The following GALNT13 variants were observed in gnomAD, a reference collection of about 807,000 sequenced individuals.
GALNT13 encodes the protein UDP-GalNAc:polypeptide N-acetylgalactosaminyltransferase 13.
A neutral mutation model predicts 64.2 loss-of-function variants in GALNT13; 28 were observed. The observed-to-expected ratio is 0.44, with a 90% CI of 0.32 to 0.60. GALNT13 has a LOEUF of 0.60. Ranked by LOEUF, GALNT13 falls within the 20% of genes least tolerant of loss-of-function variation. The pLI is 0.05. For synonymous variants in GALNT13, 214 were observed against 224.6 expected (o/e 0.95, Z 0.42); for missense variants, 577 against 669.8 (o/e 0.86, Z 1.53).
At chr2:153,590,584 A>G in the GALNT13 span, among the ~76,000 whole-genome samples, 4 of 152,168 alleles carry the variant, frequency 2.6e-5, no homozygotes. Context: ...CATTCTCAAC[A>G]AAATACTGAA....
intron 4 of GALNT13, among the ~76,000 whole-genome samples, chr2:154,215,439 A>C (rs1468664804): frequency 6.6e-6 from 1 of 152,116 alleles, no homozygotes; most frequent in Non-Finnish European, 1.5e-5. Context: ...TTCATGATCT[A>C]ACCTTTGACC....
chr2:154,385,918 T>C (rs1485935448), intron 9 of GALNT13, among the ~76,000 whole-genome samples: 1 of 152,054 alleles, frequency 6.6e-6, no homozygotes, highest in Non-Finnish European at 1.5e-5. Context: ...CTTTTCCTGC[T>C]TCTGAGTCCA....
the GALNT13 span, among the ~76,000 whole-genome samples, chr2:153,632,484 C>T: frequency 6.6e-6 from 1 of 152,092 alleles, no homozygotes; most frequent in African/African-American, 2.4e-5. Flanking sequence ...AATAGTTTCA[C>T]TGCCTGAAAA....
the GALNT13 span, among the ~76,000 whole-genome samples, chr2:153,774,633 C>T: frequency 4.6e-5 from 7 of 152,124 alleles, no homozygotes; most frequent in Admixed American, 1.3e-4. Context: ...TGATGGCTCA[C>T]ACCTGTAATC....
At chr2:153,504,693 T>G in the GALNT13 span, among the ~76,000 whole-genome samples, 2 of 152,224 alleles carry the variant, frequency 1.3e-5, no homozygotes, top group African/African-American at 4.8e-5. Context: ...CATTTATTGA[T>G]TTGCAGATGT....
rs1389329859 is a variant in GALNT13, at chr2:154,213,160, T to G, written c.312-28870T>G. ...CTCTGTCACCCAGGCTGGAGTGTAGTGGCACAAGCTCAGCTCACTGCAACC... is the reference window on the plus strand; with the variant it reads ...CTCTGTCACCCAGGCTGGAGTGTAGGGGCACAAGCTCAGCTCACTGCAACC... On this transcript the variant is annotated intron_variant, in intron 4 of 12. Coordinates refer to ENST00000392825, the MANE Select transcript of GALNT13 (RefSeq NM_052917.4). 2.0e-5 allele frequency among the ~76,000 whole-genome samples: 3 copies of G among 152,166 alleles called. No homozygotes were observed. In the East Asian group the frequency reaches 5.8e-4, roughly 29 times the overall value.
chr2:153,677,803 T>C, the GALNT13 span, among the ~76,000 whole-genome samples: 1 of 152,092 alleles, frequency 6.6e-6, no homozygotes, highest in Non-Finnish European at 1.5e-5. Context: ...ATTCAATAAA[T>C]GGTGATAGTG....
the GALNT13 span, among the ~76,000 whole-genome samples, chr2:153,611,031 AT>A: frequency 6.6e-6 from 1 of 152,202 alleles, no homozygotes; most frequent in African/African-American, 2.4e-5. Flanking sequence ...CAGGTAAGAA[AT>A]ATAGTCATGA....
chr2:153,591,212 C>T, the GALNT13 span, among the ~76,000 whole-genome samples: 7 of 152,036 alleles, frequency 4.6e-5, no homozygotes, highest in Non-Finnish European at 8.8e-5. Flanking sequence ...ACATTTACAA[C>T]AGCTACAAAA....
chr2:153,442,330 C>G, the GALNT13 span, among the ~76,000 whole-genome samples: 1 of 152,154 alleles, frequency 6.6e-6, no homozygotes, highest in Admixed American at 6.5e-5. Flanking sequence ...TTTTGATGTG[C>G]TGCTAGATTT....
the GALNT13 span, among the ~76,000 whole-genome samples, chr2:153,599,787 G>T: frequency 6.6e-6 from 1 of 151,882 alleles, no homozygotes; most frequent in Non-Finnish European, 1.5e-5. Flanking sequence ...CTAGACTGGT[G>T]TATCTGAAAA....
chr2:153,093,508 G>A, the GALNT13 span, among the ~76,000 whole-genome samples: 1 of 152,004 alleles, frequency 6.6e-6, no homozygotes, highest in Non-Finnish European at 1.5e-5. Context: ...CAAAGTGCTA[G>A]GATTACAGGC....
chr2:153,510,757 T>TG, the GALNT13 span, among the ~76,000 whole-genome samples: 8 of 95,726 alleles, frequency 8.4e-5, no homozygotes, highest in African/African-American at 5.4e-4. Context: ...AGCTGTGGTC[T>TG]AAAATAGGAG....
At chr2:153,890,064 C>G (rs1462044364) in intron 1 of GALNT13, among the ~76,000 whole-genome samples, 1 of 151,660 alleles carries the variant, frequency 6.6e-6, no homozygotes, top group Non-Finnish European at 1.5e-5. Flanking sequence ...ATTATTTTCT[C>G]AATCAGGAAA....
rs763447790 is a variant in GALNT13 at position 153,944,615 on chromosome 2, A to G, written c.118A>G (p.Arg40Gly). 1.5e-5 allele frequency: 25 copies of G among 1,613,344 alleles called. No homozygotes were observed. Among genetic ancestry groups the G allele is most frequent in the Non-Finnish European group, 2.0e-5 (24 of 1,179,506 alleles). Residue 40 changes from arginine to glycine, a missense_variant, in exon 3 of 13, where the codon AGA becomes GGA. Around this residue, in one of 3 missense-constraint regions of GALNT13, gnomAD observed 341 missense variants for 379.3 expected, o/e 0.90. Coordinates refer to ENST00000392825, the MANE Select transcript of GALNT13 (RefSeq NM_052917.4). ...TAACAAATGTGATGACAAGAAGGAG[A>G]GATCTCTGCTGCCTGCATTGAGGGG... ...ECNKCDDKKE[R>G]SLLPALRAVI... is the part of the protein sequence containing the mutation.
intron 9 of GALNT13, among the ~76,000 whole-genome samples, chr2:154,351,682 C>CAAAAAAAAAAAAAAAAAA (rs567606376): frequency 9.0e-5 from 4 of 44,686 alleles, no homozygotes; most frequent in African/African-American, 1.9e-4. Flanking sequence ...GACTCCGTCT[C>CAAAAAAAAAAAAAAAAAA]AAAAAAAAAA....
intron 4 of GALNT13, among the ~76,000 whole-genome samples, chr2:154,182,726 G>C (rs374856601): frequency 6.7e-6 from 1 of 149,866 alleles, no homozygotes; most frequent in African/African-American, 2.4e-5. Flanking sequence ...TATATTTATT[G>C]ACATTGGTGT....
Position 154,301,540 on chromosome 2 carries a change from A to G in GALNT13, c.1107A>G (p.Ala369=). The change falls in exon 9 of 13, where the codon GCA becomes GCG. Residue 369 remains alanine, a synonymous_variant. Transcript: ENST00000392825. ...HVINKNNRRL[A]EVWMDEFKDF... ...TCAACAAGAACAACAGGAGACTGGC[A>G]GAAGTTTGGATGGATGAATTTAAAG... 6.2e-7 allele frequency: 1 copy of G among 1,613,410 alleles called. No individual in the cohort carries two copies. The highest frequency in any genetic ancestry group is 8.5e-7 in the Non-Finnish European group (1 of 1,179,454).
chr2:154,351,475 A>ATCACGAGGCG (rs1696397949), intron 9 of GALNT13, among the ~76,000 whole-genome samples: 1 of 151,934 alleles, frequency 6.6e-6, no homozygotes. Flanking sequence ...CGAGGTCAGG[A>ATCACGAGGCG]GATTGAGACC....
Sources: allele counts gnomAD v4.1 joint callset (sites outside exome capture counted in the v4.1 genomes callset), GRCh38; gene constraint gnomAD v4.1.1; regional missense constraint gnomAD v4.1.1; transcripts MANE v1.5; gene names NCBI Gene and HGNC (gene_info 2026-07-23, HGNC 2026-07-21).